The following HSPH1 variants were observed in gnomAD, a reference collection of about 807,000 sequenced individuals.
HSPH1 encodes the protein heat shock protein family H (Hsp110) member 1.
Under a neutral mutation model 100.0 loss-of-function variants are expected in HSPH1, and 40 were observed. The observed-to-expected ratio is 0.40, with a 90% CI of 0.31 to 0.52. The LOEUF (loss-of-function observed/expected upper bound fraction) is 0.52. Ranked by LOEUF, HSPH1 falls within the 20% of genes least tolerant of loss-of-function variation. The pLI is 0.54. For missense variants in HSPH1, 876 were observed against 1,015.1 expected (o/e 0.86, Z 1.86); for synonymous variants, 403 against 344.0 (o/e 1.17, Z -1.90).
intron 5 of HSPH1, chr13:31,152,154 T>TA (rs1473976424): frequency 6.5e-6 from 1 of 154,478 alleles, no homozygotes; most frequent in African/African-American, 2.4e-5. Flanking sequence ...AGATCTGAGC[T>TA]AAATAGCTGA....
chr13:31,141,391 C>A (rs990512322), intron 12 of HSPH1, 132 bp from the exon 13 acceptor site: 6 of 695,828 alleles, frequency 8.6e-6, no homozygotes, highest in Non-Finnish European at 1.4e-5. Flanking sequence ...TTGGAAGGAT[C>A]TACAGGATCA....
At position 31,151,600 on chromosome 13, in the gene HSPH1, T is replaced by C. The variant is rs1413408847; in HGVS notation, c.663+9A>G. ...GTTTTGGACACTGAGTTCCAATGTA[T>C]GACTTTACCTTCAATTTTCCCTTGT... On this transcript the variant is annotated intron_variant, in intron 6 of 17. Transcript: ENST00000320027. 1 of 1,608,184 alleles carries C rather than the reference T, an allele frequency of 6.2e-7. No homozygotes were observed. Among genetic ancestry groups the C allele is most frequent in the African/African-American group, 1.3e-5 (1 of 74,508 alleles).
chr13:31,150,879 G>T, intron 7 of HSPH1, 68 bp downstream of exon 7: 2 of 1,486,756 alleles, frequency 1.3e-6, no homozygotes, highest in Non-Finnish European at 9.1e-7. Context: ...ACACCCACTA[G>T]AACTGACACC....
At chr13:31,145,325 A>G (rs1956230055) in intron 11 of HSPH1, among the ~76,000 whole-genome samples, 1 of 152,144 alleles carries the variant, frequency 6.6e-6, no homozygotes, top group East Asian at 1.9e-4. Flanking sequence ...ATAAAACATC[A>G]TCTACTCTGT....
At chr13:31,150,888 C>G in intron 7 of HSPH1, 59 bp downstream of exon 7, 2 of 1,527,398 alleles carry the variant, frequency 1.3e-6, no homozygotes, top group Non-Finnish European at 1.8e-6. Flanking sequence ...AGAACTGACA[C>G]CTGGGCTACA....
At chr13:31,140,951 T>TA (rs996526893) in intron 13 of HSPH1, 171 bp downstream of exon 13, 15 of 429,018 alleles carry the variant, frequency 3.5e-5, no homozygotes, top group East Asian at 1.1e-4. Context: ...ATTTTTTTGT[T>TA]AAAAAAAATT....
chr13:31,153,012 A>C (rs1473848691), intron 4 of HSPH1, 61 bp from the exon 5 acceptor site: 1 of 1,137,618 alleles, frequency 8.8e-7, no homozygotes, highest in Non-Finnish European at 1.3e-6. Context: ...GAAATTCCTC[A>C]CAAACCACTT....
Position 31,161,561 on chromosome 13 carries a change from C to G in HSPH1, c.22G>C (p.Val8Leu). MSVVGLD[V>L]GSQSCYIAVA... ...GCGATGTAGCAGCTCTGCGAGCCCA[C>G]GTCCAACCCCACCACCGACATGGCC... The change falls in exon 1 of 18, where the codon GTG becomes CTG. Residue 8 changes from valine (V) to leucine (L), a missense_variant. Val to Leu is a conservative substitution (Grantham distance 32). Transcript: ENST00000320027. 5.6e-6 allele frequency: 9 copies of G among 1,613,728 alleles called. No homozygotes were observed. The highest frequency in any genetic ancestry group is 7.6e-6 in the Non-Finnish European group (9 of 1,179,858).
At position 31,150,047 on chromosome 13, in the gene HSPH1, T is replaced by G. The variant is rs1956426245; in HGVS notation, c.1044A>C (p.Pro348=). Residue 348 remains proline (P), a synonymous_variant, in exon 8 of 18, where the codon CCA becomes CCC. Coordinates refer to ENST00000320027, the MANE Select transcript of HSPH1 (RefSeq NM_006644.4). ...VEIVGGATRI[P]AVKERIAKFF... The stretch of plus-strand genomic sequence containing the variant: ...ATTTGGCAATTCTTTCCTTCACAGC[T>G]GGAATTCGTGTAGCGCCTCCAACAA... 6.2e-7 allele frequency: 1 copy of G among 1,613,772 alleles called. No homozygotes were observed. Among genetic ancestry groups the G allele is most frequent in the South Asian group, 1.1e-5 (1 of 91,082 alleles).
At position 31,140,166 on chromosome 13, in the gene HSPH1, CAG is replaced by C; in HGVS notation, c.1980+16_1980+17del. The C allele has an allele frequency of 6.2e-7, 1 of 1,600,292 alleles. No homozygotes were observed. Among genetic ancestry groups the C allele is most frequent in the Non-Finnish European group, 8.5e-7 (1 of 1,171,766 alleles). ...TCATATGAGACTATCTGAACAAAAA[CAG>C]AGCTCTAAGACATACCTGCTCACAT... On this transcript the variant is annotated intron_variant, in intron 14 of 17. Coordinates refer to ENST00000320027, the MANE Select transcript of HSPH1 (RefSeq NM_006644.4).
intron 10 of HSPH1, 122 bp from the exon 11 acceptor site, chr13:31,145,890 T>A: frequency 1.3e-6 from 1 of 786,328 alleles, no homozygotes; most frequent in African/African-American, 1.7e-5. Flanking sequence ...GAGGCCGTGG[T>A]GGGTCACTTG....
intron 1 of HSPH1, among the ~76,000 whole-genome samples, chr13:31,159,731 C>G (rs1956828562): frequency 6.6e-6 from 1 of 152,064 alleles, no homozygotes; most frequent in Admixed American, 6.6e-5. Context: ...ACGAGATGAG[C>G]AAAACGGGAA....
At chr13:31,158,278 C>A (rs1380090101) in intron 2 of HSPH1, among the ~76,000 whole-genome samples, 2 of 152,092 alleles carry the variant, frequency 1.3e-5, no homozygotes, top group African/African-American at 4.8e-5. Context: ...GCAGGCCAGG[C>A]GTAGGCTCAC....
In HSPH1 at chr13:31,145,589, T is replaced by C. The variant is rs200458195; in HGVS notation, c.1558A>G (p.Arg520Gly). ...TCAGTGTCTGGGTTTTCTGGTGGTC[T>C]CTGATTCAGACACTCCATGTCAGCT... is the stretch of plus-strand genomic sequence containing the variant. The part of the protein sequence containing the change: ...SEADMECLNQ[R>G]PPENPDTDKN... Residue 520 changes from arginine to glycine, a missense_variant, in exon 11 of 18, where the codon AGA (arginine) becomes GGA (glycine). Coordinates refer to ENST00000320027, the MANE Select transcript of HSPH1 (RefSeq NM_006644.4). 107 of 1,613,378 alleles carry C rather than the reference T, an allele frequency of 6.6e-5. No individual in the cohort carries two copies. Among genetic ancestry groups the C allele is most frequent in the Non-Finnish European group, 8.3e-5 (98 of 1,179,702 alleles).
At chr13:31,154,179 A>G (rs370017574) in intron 4 of HSPH1, 2 of 206,012 alleles carry the variant, frequency 9.7e-6, no homozygotes, top group East Asian at 1.4e-4. Flanking sequence ...TTGATAGTCT[A>G]ACTAGTAATT....
chr13:31,158,953 C>G, intron 1 of HSPH1, 90 bp from the exon 2 acceptor site: 1 of 802,048 alleles, frequency 1.2e-6, no homozygotes, highest in South Asian at 1.4e-5. Flanking sequence ...AATGTCCTAC[C>G]CATTAGGGGA....
At chr13:31,160,024 T>C (rs185632882) in intron 1 of HSPH1, among the ~76,000 whole-genome samples, 4 of 152,358 alleles carry the variant, frequency 2.6e-5, no homozygotes, top group Non-Finnish European at 4.4e-5. Flanking sequence ...ACCACAATTA[T>C]AGTTTAACAA....
chr13:31,152,008 A>G (rs552308649), intron 5 of HSPH1: 12 of 341,414 alleles, frequency 3.5e-5, no homozygotes, highest in South Asian at 3.4e-4. Flanking sequence ...AGTGAAACAT[A>G]ACCACGTATC....
chr13:31,159,083 CCTCTG>C (rs1956805329), intron 1 of HSPH1, among the ~76,000 whole-genome samples: 1 of 151,372 alleles, frequency 6.6e-6, no homozygotes, highest in Admixed American at 6.6e-5. Flanking sequence ...ACCCCAAAAA[CCTCTG>C]CTCGTGGCTC....
Sources: allele counts gnomAD v4.1 joint callset (sites outside exome capture counted in the v4.1 genomes callset), GRCh38; gene constraint gnomAD v4.1.1; transcripts MANE v1.5; gene names NCBI Gene and HGNC (gene_info 2026-07-23, HGNC 2026-07-21).